Variants in SMURF2 observed in about 807,000 individuals in gnomAD.
SMURF2 encodes SMAD specific E3 ubiquitin protein ligase 2, also known as E3 ubiquitin-protein ligase SMURF2.
In SMURF2, 48 loss-of-function variants were observed where a neutral mutation model predicts 109.6. That is an observed-to-expected ratio of 0.44 (90% CI 0.35 to 0.56). The LOEUF (loss-of-function observed/expected upper bound fraction) is 0.56. SMURF2 is among the 20% of genes least tolerant of loss of function. The probability of loss-of-function intolerance (pLI) is 0.01; values close to 1 mark genes in which losing one functional copy is unlikely to be tolerated. For missense variants in SMURF2, 575 were observed against 909.0 expected (o/e 0.63, Z 4.72); for synonymous variants, 288 against 317.1 (o/e 0.91, Z 0.97).
chr17:64,600,299 T>C (rs557662835), intron 2 of SMURF2, among the ~76,000 whole-genome samples: 1 of 152,134 alleles, frequency 6.6e-6, no homozygotes, highest in Non-Finnish European at 1.5e-5. Context: ...AAAGCAATAA[T>C]GAAAATGATT....
Position 64,561,606 on chromosome 17 carries a change from GAA to G in SMURF2, c.1213-5_1213-4del. 1 of 1,604,120 alleles carries G rather than the reference GAA, an allele frequency of 6.2e-7. No individual in the cohort carries two copies. The highest frequency in any genetic ancestry group is 1.1e-5 in the South Asian group (1 of 90,750). ...TTCATGACCTGTCGATATGATTCCT[GAA>G]AAAAATAATTTTTAATACCCTATTA... On this transcript the variant is annotated splice_polypyrimidine_tract_variant and splice_region_variant and intron_variant, in intron 11 of 18. Coordinates refer to ENST00000262435, the MANE Select transcript of SMURF2 (RefSeq NM_022739.4).
Position 64,547,568 on chromosome 17 carries a change from C to G in SMURF2, c.2071+32G>C. ...ACGCTGACAGCCCCGCCCCCACCCGCTGCCCAGCTTGCCTGCACCTCAGGC... is the reference window on the plus strand; with the variant it reads ...ACGCTGACAGCCCCGCCCCCACCCGGTGCCCAGCTTGCCTGCACCTCAGGC... On this transcript the variant is annotated intron_variant, in intron 17 of 18. Transcript: ENST00000262435. This position sits in a 1 kb window ranked among gnomAD's most constrained non-coding sequence, Gnocchi z 4.2. 1.2e-6 allele frequency: 2 copies of G among 1,605,870 alleles called. No homozygotes were observed. The highest frequency in any genetic ancestry group is 8.5e-7 in the Non-Finnish European group (1 of 1,172,834).
chr17:64,556,746 T>G (rs930522832), intron 13 of SMURF2, among the ~76,000 whole-genome samples: 12 of 152,208 alleles, frequency 7.9e-5, no homozygotes, highest in Admixed American at 7.9e-4. Context: ...TTTATATATA[T>G]TTGGTCTTTC....
intron 6 of SMURF2, among the ~76,000 whole-genome samples, chr17:64,585,155 G>A (rs1324630819): frequency 1.4e-4 from 22 of 152,138 alleles, no homozygotes; most frequent in East Asian, 3.9e-4. Flanking sequence ...ATATCTCATC[G>A]AAGTTAGTTA....
At chr17:64,616,278 TAAG>T (rs1296416100) in intron 1 of SMURF2, among the ~76,000 whole-genome samples, 1 of 152,152 alleles carries the variant, frequency 6.6e-6, no homozygotes, top group Non-Finnish European at 1.5e-5. Flanking sequence ...CCCTGTGAAA[TAAG>T]TAGTAGTACT....
chr17:64,582,733 G>A (rs1397682382), intron 7 of SMURF2, among the ~76,000 whole-genome samples: 1 of 152,004 alleles, frequency 6.6e-6, no homozygotes, highest in Non-Finnish European at 1.5e-5. Flanking sequence ...TGAGTAGCTG[G>A]GATTACAGGC....
chr17:64,604,668 G>C (rs1007969903), intron 2 of SMURF2, among the ~76,000 whole-genome samples: 4 of 152,018 alleles, frequency 2.6e-5, no homozygotes, highest in Admixed American at 1.3e-4. Flanking sequence ...CCTCTCAGCC[G>C]GGCGCGATGG....
chr17:64,549,426 G>A (rs1555683426), intron 16 of SMURF2, among the ~76,000 whole-genome samples: 1 of 151,852 alleles, frequency 6.6e-6, no homozygotes, highest in Non-Finnish European at 1.5e-5. Context: ...CTAGGCAACA[G>A]AGTGAGACTC....
At position 64,562,756 on chromosome 17, in the gene SMURF2, G is replaced by A; in HGVS notation, c.1212+15C>T. On this transcript the variant is annotated intron_variant, in intron 11 of 18. Coordinates refer to ENST00000262435, the MANE Select transcript of SMURF2 (RefSeq NM_022739.4). ...AAAAAAAAATAGTAAAACAAAATAAGGCTCGTAAATTTACCTCAAAAATCT... is the reference window on the plus strand; with the variant it reads ...AAAAAAAAATAGTAAAACAAAATAAAGCTCGTAAATTTACCTCAAAAATCT... 6.2e-7 allele frequency: 1 copy of A among 1,607,120 alleles called. No individual in the cohort carries two copies. Among genetic ancestry groups the A allele is most frequent in the African/African-American group, 1.3e-5 (1 of 74,532 alleles).
intron 6 of SMURF2, among the ~76,000 whole-genome samples, chr17:64,585,302 G>A (rs1969637630): frequency 6.6e-6 from 1 of 152,100 alleles, no homozygotes. Flanking sequence ...GTGGCCTTAG[G>A]CAAATAACTT....
Position 64,662,155 on chromosome 17 carries a change from C to A in SMURF2, c.-275G>T. The A allele has an allele frequency of 9.7e-7, 1 of 1,034,870 alleles. No individual in the cohort carries two copies. The highest frequency in any genetic ancestry group is 4.4e-5 in the South Asian group (1 of 22,588). The allele number at this position is 1,034,870 out of a possible 1,614,324, so 64.1% of individuals were successfully genotyped here. A position where few individuals can be genotyped will look rare whatever the true frequency, so the allele number is the denominator to read the frequency against. ...CGCGCCGCCTCCGCCCGCGCCCCCG[C>A]CGCCTCCTCGCGGCCGCCGAGGCCT... On this transcript the variant is annotated 5_prime_UTR_variant, in exon 1 of 19. Transcript: ENST00000262435.
Position 64,561,523 on chromosome 17 carries a change from G to T in SMURF2, c.1293C>A (p.Gly431=), listed in dbSNP as rs1555684510. The T allele has an allele frequency of 1.2e-6, 2 of 1,613,604 alleles. No individual in the cohort carries two copies. The highest frequency in any genetic ancestry group is 3.3e-5 in the Admixed American group (2 of 60,016). ...ACCTGGCAACGCCTCCATAGTCAAG[G>T]CCTTCTTCTCCACGAAATTTTATCA... ...RLMIKFRGEE[G]LDYGGVAREW... The change falls in exon 12 of 19, where the codon GGC becomes GGA. Residue 431 remains glycine, a synonymous_variant. Coordinates refer to ENST00000262435, the MANE Select transcript of SMURF2 (RefSeq NM_022739.4).
At chr17:64,644,339 T>C (rs1555692829) in intron 1 of SMURF2, among the ~76,000 whole-genome samples, 2 of 151,650 alleles carry the variant, frequency 1.3e-5, no homozygotes, top group Admixed American at 6.6e-5. Flanking sequence ...CTCCCAACAA[T>C]TTAGGAGGTT....
In SMURF2 at chr17:64,571,185, C is replaced by A. The variant is rs576629498; in HGVS notation, c.1016+613G>T. 2.0e-5 allele frequency among the ~76,000 whole-genome samples: 3 copies of A among 152,076 alleles called. No individual in the cohort carries two copies. The East Asian group carries it at 5.8e-4, about 29-fold the overall frequency. On this transcript the variant is annotated intron_variant, in intron 10 of 18. Coordinates refer to ENST00000262435, the MANE Select transcript of SMURF2 (RefSeq NM_022739.4). Reference sequence around the variant, plus strand: ...TATTAATAATTTTGTATTACAATGGCAACACAAAATTAGCCTGTTCAACCC... The same window carrying A: ...TATTAATAATTTTGTATTACAATGGAAACACAAAATTAGCCTGTTCAACCC...
intron 1 of SMURF2, among the ~76,000 whole-genome samples, chr17:64,632,483 T>C (rs1255199819): frequency 2.0e-5 from 3 of 152,182 alleles, no homozygotes; most frequent in African/African-American, 7.2e-5. Flanking sequence ...CCATTTCCAA[T>C]TGACTTATAC....
At chr17:64,634,924 A>T (rs1555691946) in intron 1 of SMURF2, among the ~76,000 whole-genome samples, 1 of 152,196 alleles carries the variant, frequency 6.6e-6, no homozygotes, top group Non-Finnish European at 1.5e-5. Flanking sequence ...AGAATGAGAA[A>T]ATAAATCATA....
rs1968892655 is a variant in SMURF2, at chr17:64,542,793, GA to G, written c.*3054del. ...TGAAAGAAGAGAATCTTGTGCTCCG[GA>G]CTGTAAATACATGAAAGAAAAAAAG... On this transcript the variant is annotated 3_prime_UTR_variant, in exon 19 of 19. Coordinates refer to ENST00000262435, the MANE Select transcript of SMURF2 (RefSeq NM_022739.4). 1 of 152,172 alleles carries G rather than the reference GA, an allele frequency of 6.6e-6. No individual in the cohort carries two copies. The highest frequency in any genetic ancestry group is 1.5e-5 in the Non-Finnish European group (1 of 68,054). 9.4% of individuals were successfully genotyped at this position (152,172 alleles called of 1,614,324 possible).
In SMURF2 at chr17:64,613,737, TGTGTGTGG is replaced by T. The variant is rs1555689836; in HGVS notation, c.53-7105_53-7098del. On this transcript the variant is annotated intron_variant, in intron 1 of 18. Coordinates refer to ENST00000262435, the MANE Select transcript of SMURF2 (RefSeq NM_022739.4). ...GTGTGTGTGTGTGTGTGTGTGTGTGTGTGTGTGGAGGGGGGGCAGAGGGGAGCAGGCAA... is the reference window on the plus strand; with the variant it reads ...GTGTGTGTGTGTGTGTGTGTGTGTGTAGGGGGGGCAGAGGGGAGCAGGCAA... Among the ~76,000 whole-genome samples the T allele has an allele frequency of 3.0e-4, 37 of 122,200 alleles. 1 individual carries two copies. Among genetic ancestry groups the T allele is most frequent in the African/African-American group, 9.6e-4 (31 of 32,348 alleles). 80.2% of individuals were successfully genotyped at this position (122,200 alleles called of 152,430 possible).
intron 1 of SMURF2, among the ~76,000 whole-genome samples, chr17:64,626,949 CA>C (rs1555691221): frequency 1.4e-5 from 2 of 148,016 alleles, no homozygotes; most frequent in Non-Finnish European, 3.0e-5. Context: ...AAAAAACAAA[CA>C]AAAACCTCTA....
Sources: gnomAD v4.1 joint callset for allele counts (sites outside exome capture counted in the v4.1 genomes callset) on GRCh38, gnomAD v4.1.1 for gene constraint, Gnocchi (gnomAD v3.1) non-coding constraint, MANE v1.5 for transcripts, NCBI Gene and HGNC (gene_info 2026-07-23, HGNC 2026-07-21) for gene names.